ABCB7: variants seen among roughly 807,000 people sequenced by gnomAD.
The protein encoded by ABCB7 is ATP binding cassette subfamily B member 7, also known as iron-sulfur clusters transporter ABCB7, mitochondrial.
ABCB7 carries 7 observed loss-of-function variants against 54.4 expected under a neutral mutation model. That is an observed-to-expected ratio of 0.13 (90% CI 0.07 to 0.24). ABCB7 has a LOEUF of 0.24. Among genes scored for constraint, ABCB7 ranks in the 10% least tolerant of loss-of-function variants. The pLI is 1.00. For missense variants in ABCB7, 356 were observed against 570.4 expected, an observed-to-expected ratio of 0.62 and a Z score of 3.83; for synonymous variants, 218 against 207.1, an observed-to-expected ratio of 1.05 and a Z score of -0.45.
At chrX:75,143,748 T>C (rs747850944) in intron 1 of ABCB7, among the ~76,000 whole-genome samples, 1 of 110,519 alleles carries the variant, frequency 9.0e-6, no homozygotes, top group Admixed American at 9.7e-5. Flanking sequence ...TGTGTAGGGA[T>C]ACTCTCCCTT....
intron 4 of ABCB7, among the ~76,000 whole-genome samples, chrX:75,090,776 A>G (rs1285381412): frequency 9.0e-6 from 1 of 111,257 alleles, no homozygotes; most frequent in Non-Finnish European, 1.9e-5. Flanking sequence ...TACTAACATC[A>G]GAAATGAAAG....
In ABCB7 at chrX:75,069,464, A is replaced by G; in HGVS notation, c.1366-10T>C. 1.7e-6 allele frequency: 2 copies of G among 1,209,290 alleles called. No individual in the cohort carries two copies. The highest frequency in any genetic ancestry group is 2.2e-6 in the Non-Finnish European group (2 of 893,765). ...ATGCCATCACTTTGTCCTAGCAGGG[A>G]AGAGAAAAAAAAAGCCACTTTACGC... is the stretch of plus-strand genomic sequence containing the variant. On this transcript the variant is annotated splice_polypyrimidine_tract_variant and intron_variant, in intron 10 of 15. Coordinates refer to ENST00000373394, the MANE Select transcript of ABCB7 (RefSeq NM_001271696.3).
rs113946697 is a variant in ABCB7 at position 75,064,861 on chromosome X, G to GAA, written c.1831+207_1831+208dup. Among the ~76,000 whole-genome samples the GAA allele has an allele frequency of 0.023, 2,336 of 103,642 alleles. 61 individuals are homozygous for GAA. The highest frequency in any genetic ancestry group is 0.077 in the African/African-American group (2,195 of 28,481). The allele number at this position is 103,642 out of a possible 115,157, so 90.0% of individuals were successfully genotyped here. On this transcript the variant is annotated intron_variant, in intron 13 of 15. Transcript: ENST00000373394. ...ACCTACAGTGTTTGCAGCTGCAAGTGAAAAAAAAAAGACTTGCATGACTTG... is the reference window on the plus strand; with the variant it reads ...ACCTACAGTGTTTGCAGCTGCAAGTGAAAAAAAAAAAAGACTTGCATGACTTG...
At chrX:75,069,663 C>G (rs758559703) in intron 10 of ABCB7, among the ~76,000 whole-genome samples, 2 of 110,008 alleles carry the variant, frequency 1.8e-5, no homozygotes, top group South Asian at 7.9e-4. Flanking sequence ...GTTTTGGTTT[C>G]TGAGCAACTT....
intron 15 of ABCB7, 55 bp downstream of exon 15, chrX:75,060,168 C>G (rs1217824450): frequency 1.0e-6 from 1 of 955,959 alleles, no homozygotes; most frequent in Admixed American, 2.2e-5. Context: ...CTTCTTGTAT[C>G]TATAACAATT....
intron 1 of ABCB7, among the ~76,000 whole-genome samples, chrX:75,150,430 A>T (rs1332340617): frequency 9.0e-6 from 1 of 111,575 alleles, no homozygotes; most frequent in Non-Finnish European, 1.9e-5. Flanking sequence ...ATACCTATTA[A>T]CATTACTAAA....
chrX:75,106,934 C>T (rs187927004), intron 3 of ABCB7, among the ~76,000 whole-genome samples: 48 of 111,089 alleles, frequency 4.3e-4, no homozygotes, highest in African/African-American at 1.3e-3. Context: ...TCATAGTACC[C>T]GATTTTAATG....
At chrX:75,098,459 C>G (rs182100743) in intron 4 of ABCB7, among the ~76,000 whole-genome samples, 1 of 111,411 alleles carries the variant, frequency 9.0e-6, no homozygotes, top group African/African-American at 3.3e-5. Context: ...CTATACTGAA[C>G]GTACCAAAAC....
chrX:75,133,494 T>C (rs1191794442), intron 1 of ABCB7, among the ~76,000 whole-genome samples: 1 of 111,277 alleles, frequency 9.0e-6, no homozygotes, highest in Non-Finnish European at 1.9e-5. Flanking sequence ...CAGTGTGAGA[T>C]ACAGTACAAA....
At chrX:75,126,242 T>G (rs2081925865) in intron 1 of ABCB7, among the ~76,000 whole-genome samples, 1 of 112,105 alleles carries the variant, frequency 8.9e-6, no homozygotes, top group African/African-American at 3.2e-5. Flanking sequence ...TCTTCCATGT[T>G]GTACACAACA....
chrX:75,143,432 C>T (rs750593676), intron 1 of ABCB7, among the ~76,000 whole-genome samples: 52 of 111,576 alleles, frequency 4.7e-4, no homozygotes, highest in Non-Finnish European at 8.7e-4. Flanking sequence ...GAGGGAGTTC[C>T]AAACCTTCCC....
chrX:75,146,184 A>G (rs190988326), intron 1 of ABCB7, among the ~76,000 whole-genome samples: 23 of 111,642 alleles, frequency 2.1e-4, no homozygotes, highest in African/African-American at 7.5e-4. Flanking sequence ...AAATGGAAAA[A>G]CATTTCATGC....
intron 3 of ABCB7, among the ~76,000 whole-genome samples, chrX:75,110,904 C>A (rs988564677): frequency 5.4e-5 from 6 of 111,487 alleles, no homozygotes; most frequent in African/African-American, 2.0e-4. Flanking sequence ...AAATAAATTC[C>A]AAGCAGCATT....
Position 75,053,145 on chromosome X carries a change from A to C in ABCB7, c.*225T>G, listed in dbSNP as rs1332586340. ...ATCAAACAGGTAGCAAAAAGTATGC[A>C]TTGAGCACAACCAGGACAGTGACAA... On this transcript the variant is annotated 3_prime_UTR_variant, in exon 16 of 16. Coordinates refer to ENST00000373394, the MANE Select transcript of ABCB7 (RefSeq NM_001271696.3). The C allele has an allele frequency of 1.5e-5, 7 of 465,233 alleles. No homozygotes were observed. The highest frequency in any genetic ancestry group is 2.5e-5 in the Non-Finnish European group (7 of 284,359). 38.3% of individuals were successfully genotyped at this position (465,233 alleles called of 1,213,427 possible). A position where few individuals can be genotyped will look rare whatever the true frequency, so the allele number is the denominator to read the frequency against.
At chrX:75,106,853 C>T (rs1402595256) in intron 3 of ABCB7, among the ~76,000 whole-genome samples, 1 of 111,255 alleles carries the variant, frequency 9.0e-6, no homozygotes, top group African/African-American at 3.3e-5. Flanking sequence ...CCCTTCCCTT[C>T]AAGGACACCA....
intron 1 of ABCB7, among the ~76,000 whole-genome samples, chrX:75,147,164 A>T (rs760827837): frequency 2.7e-5 from 3 of 111,729 alleles, no homozygotes; most frequent in Non-Finnish European, 5.6e-5. Context: ...AAGTCAAAAA[A>T]TAACAGATGC....
intron 3 of ABCB7, among the ~76,000 whole-genome samples, chrX:75,108,293 CGTGGGCCTGGCTGGCAAAGAAT>C (rs1408721450): frequency 9.0e-6 from 1 of 111,319 alleles, no homozygotes; most frequent in Non-Finnish European, 1.9e-5. Flanking sequence ...AGAGGAGGAA[CGTGGGCCTGGCTGGCAAAGAAT>C]GTGGGCCTGG....
intron 4 of ABCB7, among the ~76,000 whole-genome samples, chrX:75,080,767 T>G (rs1393837726): frequency 8.9e-6 from 1 of 112,352 alleles, no homozygotes; most frequent in Non-Finnish European, 1.9e-5. Flanking sequence ...TTATTTGCAA[T>G]CTATATCGTC....
chrX:75,127,310 CAT>C (rs1025857946), intron 1 of ABCB7, among the ~76,000 whole-genome samples: 5 of 111,793 alleles, frequency 4.5e-5, no homozygotes, highest in African/African-American at 1.3e-4. Flanking sequence ...AAAAAAACCA[CAT>C]GATTATCTCA....
Sources: gnomAD v4.1 joint callset for allele counts (sites outside exome capture counted in the v4.1 genomes callset) on GRCh38, gnomAD v4.1.1 for gene constraint, MANE v1.5 for transcripts, NCBI Gene and HGNC (gene_info 2026-07-23, HGNC 2026-07-21) for gene names.